The following DLG4 variants were observed in gnomAD, a reference collection of about 807,000 sequenced individuals.
The protein encoded by DLG4 is discs large MAGUK scaffold protein 4.
DLG4 carries 7 observed loss-of-function variants against 93.8 expected under a neutral mutation model. The observed-to-expected ratio is 0.07, with a 90% CI of 0.04 to 0.14. The LOEUF (loss-of-function observed/expected upper bound fraction) is 0.14, where lower values mean the gene tolerates loss of function less well. Ranked by LOEUF, DLG4 falls within the 10% of genes least tolerant of loss-of-function variation. The pLI, the probability that DLG4 is intolerant of heterozygous loss-of-function variation, is 1.00. For missense variants in DLG4, 545 were observed against 992.9 expected, an observed-to-expected ratio of 0.55 and a Z score of 6.06; for synonymous variants, 341 against 387.6, an observed-to-expected ratio of 0.88 and a Z score of 1.41.
At chr17:7,210,341 C>A (rs2070658914) in intron 1 of DLG4, among the ~76,000 whole-genome samples, 1 of 152,156 alleles carries the variant, frequency 6.6e-6, no homozygotes. Flanking sequence ...AATCAAGAAG[C>A]ACCCTGATAC....
rs770613600 is a variant in DLG4 at position 7,193,943 on chromosome 17, C to T, written c.1515+21G>A. Reference sequence around the variant, plus strand: ...ATGAGCCCTCACACTTCCACCCAGGCTCACACCCTCCTCCACCTACCTTGG... The same window carrying T: ...ATGAGCCCTCACACTTCCACCCAGGTTCACACCCTCCTCCACCTACCTTGG... On this transcript the variant is annotated intron_variant, in intron 13 of 19. Coordinates refer to ENST00000399506, the MANE Select transcript of DLG4 (RefSeq NM_001321075.3). This position sits in a 1 kb window ranked among gnomAD's most constrained non-coding sequence, Gnocchi z 6.7. 45 of 1,613,626 alleles carry T rather than the reference C, an allele frequency of 2.8e-5. No homozygotes were observed. Among genetic ancestry groups the T allele is most frequent in the South Asian group, 1.5e-4 (14 of 91,010 alleles).
chr17:7,196,828 T>C lies in DLG4; in HGVS notation c.1012A>G (p.Ile338Val), dbSNP rs781451434. 4.3e-6 allele frequency: 7 copies of C among 1,613,220 alleles called. No individual in the cohort carries two copies. The Admixed American group carries it at 8.3e-5, about 19-fold the overall frequency. ...VGGEDGEGIFISFILAGGPAD... is the reference protein window; with the variant it reads ...VGGEDGEGIFVSFILAGGPAD... ...GGGCCCCCGGCCAGGATAAAGGAGA[T>C]GAAGATGCCTTCACCGTCCTCGCCA... The change falls in exon 9 of 20, where the codon ATC becomes GTC. Residue 338 changes from isoleucine (I) to valine (V), a missense_variant. Ile to Val is a conservative substitution (Grantham distance 29, BLOSUM62 3). Coordinates refer to ENST00000399506, the MANE Select transcript of DLG4 (RefSeq NM_001321075.3). The surrounding 1 kb of genome is among the most constrained non-coding windows in gnomAD (Gnocchi z 8.3).
In DLG4 at chr17:7,208,289, TC is replaced by T; in HGVS notation, c.31-51del. On this transcript the variant is annotated intron_variant, in intron 1 of 19. Coordinates refer to ENST00000399506, the MANE Select transcript of DLG4 (RefSeq NM_001321075.3). The surrounding 1 kb of genome is among the most constrained non-coding windows in gnomAD (Gnocchi z 5.4). The stretch of plus-strand genomic sequence containing the variant: ...CTGGGGCCAGCCCGGTGCCTCAGGC[TC>T]CAGGCTGGCCGCCCTGGCCGCCGCC... The T allele has an allele frequency of 7.7e-7, 1 of 1,304,934 alleles. No homozygotes were observed. The highest frequency in any genetic ancestry group is 9.8e-7 in the Non-Finnish European group (1 of 1,017,442). 80.8% of individuals were successfully genotyped at this position (1,304,934 alleles called of 1,614,324 possible). A position where few individuals can be genotyped will look rare whatever the true frequency, so the allele number is the denominator to read the frequency against.
At chr17:7,216,843 C>A (rs1043717613) in intron 1 of DLG4, among the ~76,000 whole-genome samples, 6 of 152,136 alleles carry the variant, frequency 3.9e-5, no homozygotes, top group African/African-American at 1.4e-4. Context: ...CCTCAAACAG[C>A]GCTGATGAAC....
intron 2 of DLG4, among the ~76,000 whole-genome samples, chr17:7,207,130 A>C (rs568912338): frequency 2.4e-3 from 354 of 149,308 alleles, no homozygotes; most frequent in Non-Finnish European, 4.1e-3. Context: ...GATAGAAAGA[A>C]GATATGGCAG....
At chr17:7,209,973 C>T (rs148959518) in intron 1 of DLG4, among the ~76,000 whole-genome samples, 60 of 152,092 alleles carry the variant, frequency 3.9e-4, no homozygotes, top group Non-Finnish European at 6.9e-4. Context: ...ACCTGGGAAG[C>T]GGAGGTTGCA....
rs762793313 is a variant in DLG4, at chr17:7,203,577, G to A, written c.352C>T (p.Leu118=). The part of the protein sequence containing the change: ...DGRLRVNDSI[L]FVNEVDVREV... ...CGCACGTCCACTTCATTTACAAACA[G>A]GATGCTGTCGTTGACCCTGGGAGCA... Residue 118 remains leucine, a synonymous_variant, in exon 6 of 20, where the codon CTG becomes TTG. Transcript: ENST00000399506. The surrounding 1 kb of genome is among the most constrained non-coding windows in gnomAD (Gnocchi z 7.2). The A allele has an allele frequency of 2.2e-5, 36 of 1,611,728 alleles. No homozygotes were observed. Among genetic ancestry groups the A allele is most frequent in the Non-Finnish European group, 2.7e-5 (32 of 1,178,210 alleles).
chr17:7,219,941 G>C (rs755185338), upstream of DLG4: 1 of 1,582,566 alleles, frequency 6.3e-7, no homozygotes, highest in African/African-American at 1.3e-5. Flanking sequence ...GGACGCCAGA[G>C]CTGGGTCAGA....
At chr17:7,199,017 CCAA>C (rs1029982774) in intron 8 of DLG4, among the ~76,000 whole-genome samples, 1 of 151,616 alleles carries the variant, frequency 6.6e-6, no homozygotes, top group Admixed American at 6.6e-5. Flanking sequence ...AGACCTGCCT[CCAA>C]CAAAAAAAAA....
intron 1 of DLG4, among the ~76,000 whole-genome samples, chr17:7,214,345 C>G (rs2070819714): frequency 6.6e-6 from 1 of 152,182 alleles, no homozygotes; most frequent in Non-Finnish European, 1.5e-5. Context: ...GTAACCCAGC[C>G]CCAAGGTTCC....
At position 7,188,917 on chromosome 17, in the gene DLG4, G is replaced by C. The variant is rs979183540; in HGVS notation, c.*1791C>G. On this transcript the variant is annotated 3_prime_UTR_variant, in exon 20 of 20. Transcript: ENST00000399506. ...ACCTGAGGTCAGGAGTTCGAGACCA[G>C]CCTGGCCAACAAAGCAAAACCCCAT... Among the ~76,000 whole-genome samples, 4 of 152,070 alleles carry C rather than the reference G, an allele frequency of 2.6e-5. No homozygotes were observed. The highest frequency in any genetic ancestry group is 2.6e-4 in the Admixed American group (4 of 15,268).
Position 7,193,634 on chromosome 17 carries a change from A to G in DLG4, c.1591+33T>C. The G allele has an allele frequency of 3.9e-6, 6 of 1,530,608 alleles. No homozygotes were observed. The highest frequency in any genetic ancestry group is 5.3e-6 in the Non-Finnish European group (6 of 1,141,286). 94.8% of individuals were successfully genotyped at this position (1,530,608 alleles called of 1,614,324 possible). On this transcript the variant is annotated intron_variant, in intron 15 of 19. Transcript: ENST00000399506. This position sits in a 1 kb window ranked among gnomAD's most constrained non-coding sequence, Gnocchi z 6.7. Reference sequence around the variant, plus strand: ...CGAGCGCAGGGTTGGGGGAGCAGCAAGTGCTGGGGCCAAGGCAGGGGCCAG... The same window carrying G: ...CGAGCGCAGGGTTGGGGGAGCAGCAGGTGCTGGGGCCAAGGCAGGGGCCAG...
In DLG4 at chr17:7,188,517, A is replaced by G. The variant is rs1202357950; in HGVS notation, c.*2191T>C. Among the ~76,000 whole-genome samples the G allele has an allele frequency of 6.6e-6, 1 of 152,192 alleles. No individual in the cohort carries two copies. The highest frequency in any genetic ancestry group is 2.4e-5 in the African/African-American group (1 of 41,448). On this transcript the variant is annotated 3_prime_UTR_variant, in exon 20 of 20. Coordinates refer to ENST00000399506, the MANE Select transcript of DLG4 (RefSeq NM_001321075.3). ...TGCCCCCAAAGGTTCATCTGTGCCA[A>G]ACACATGAAGAAGGCAGAAGGCTGA...
chr17:7,195,688 G>C lies in DLG4; in HGVS notation c.1301+532C>G, dbSNP rs2069737954. Among the ~76,000 whole-genome samples the C allele has an allele frequency of 6.6e-6, 1 of 152,158 alleles. No homozygotes were observed. Among genetic ancestry groups the C allele is most frequent in the Admixed American group, 6.5e-5 (1 of 15,282 alleles). On this transcript the variant is annotated intron_variant, in intron 11 of 19. Coordinates refer to ENST00000399506, the MANE Select transcript of DLG4 (RefSeq NM_001321075.3). This position sits in a 1 kb window ranked among gnomAD's most constrained non-coding sequence, Gnocchi z 4.3. Reference sequence around the variant, plus strand: ...CGAGGCCATGCAAGCCACAGGGCCAGACAGGGACAGAAGTGGAGGGGTGAC... The same window carrying C: ...CGAGGCCATGCAAGCCACAGGGCCACACAGGGACAGAAGTGGAGGGGTGAC...
At position 7,204,004 on chromosome 17, in the gene DLG4, T is replaced by A; in HGVS notation, c.210+4A>T. 6.2e-7 allele frequency: 1 copy of A among 1,611,250 alleles called. No homozygotes were observed. The highest frequency in any genetic ancestry group is 8.5e-7 in the Non-Finnish European group (1 of 1,178,770). On this transcript the variant is annotated splice_donor_region_variant and intron_variant, in intron 4 of 19. Transcript: ENST00000399506. The stretch of plus-strand genomic sequence containing the variant: ...GGGGACTGCCGATGGAGGAGCCTGC[T>A]CACCCTTTCCAATGTGATTTCCTCG...
chr17:7,206,186 C>G (rs2070455973), intron 2 of DLG4, among the ~76,000 whole-genome samples: 1 of 152,146 alleles, frequency 6.6e-6, no homozygotes, highest in South Asian at 2.1e-4. Context: ...AACTCCTGGG[C>G]TCAAGCAGTC....
In DLG4 at chr17:7,196,605, A is replaced by G. The variant is rs1215591508; in HGVS notation, c.1084-30T>C. ...AGAGAGGACGACAGGCTGTGTCACC[A>G]GAGACAGGAGGCAGCACTTCTGGGT... On this transcript the variant is annotated intron_variant, in intron 9 of 19. Coordinates refer to ENST00000399506, the MANE Select transcript of DLG4 (RefSeq NM_001321075.3). The surrounding 1 kb of genome is among the most constrained non-coding windows in gnomAD (Gnocchi z 8.3). The G allele has an allele frequency of 6.2e-7, 1 of 1,611,808 alleles. No homozygotes were observed.
upstream of DLG4, chr17:7,219,753 G>A: frequency 6.8e-7 from 1 of 1,466,238 alleles, no homozygotes. Flanking sequence ...CGGACGGGCG[G>A]GATTAAGGAG....
At chr17:7,198,048 C>T (rs1384133430) in intron 8 of DLG4, among the ~76,000 whole-genome samples, 1 of 152,112 alleles carries the variant, frequency 6.6e-6, no homozygotes, top group Non-Finnish European at 1.5e-5. Flanking sequence ...GGTCATCAGC[C>T]CAGTCCATCC....
Sources: gnomAD v4.1 joint callset for allele counts (sites outside exome capture counted in the v4.1 genomes callset) on GRCh38, gnomAD v4.1.1 for gene constraint, Gnocchi (gnomAD v3.1) non-coding constraint, MANE v1.5 for transcripts, NCBI Gene and HGNC (gene_info 2026-07-23, HGNC 2026-07-21) for gene names.